Variants in PDPN observed in about 807,000 individuals in gnomAD.
PDPN encodes PA2.26 antigen.
Under a neutral mutation model 23.2 loss-of-function variants are expected in PDPN, and 12 were observed. The observed-to-expected ratio is 0.52, with a 90% CI of 0.33 to 0.84. The LOEUF is 0.84. Among genes scored for constraint, PDPN ranks in the 40% least tolerant of loss-of-function variants. The probability of loss-of-function intolerance (pLI) is 0.02; values close to 1 mark genes in which losing one functional copy is unlikely to be tolerated. For missense variants in PDPN, 199 were observed against 212.2 expected (o/e 0.94, Z 0.39); for synonymous variants, 77 against 76.7 (o/e 1.00, Z -0.02).
rs1640119884 is a variant in PDPN, at chr1:13,584,363, C to T, written c.67+263C>T. ...CGAGGTGGGCAGCACAGGGGGCCTC[C>T]CTCCGAGTCGGCAGCACCAGAGAGA... On this transcript the variant is annotated intron_variant, in intron 1 of 5. Transcript: ENST00000621990. The T allele has an allele frequency of 2.8e-6, 4 of 1,428,594 alleles. No homozygotes were observed. In the South Asian group the frequency reaches 5.8e-5, roughly 21 times the overall value. 88.5% of individuals were successfully genotyped at this position (1,428,594 alleles called of 1,614,324 possible). A position where few individuals can be genotyped will look rare whatever the true frequency, so the allele number is the denominator to read the frequency against.
intron 1 of PDPN, among the ~76,000 whole-genome samples, chr1:13,599,011 C>CTTTTTTTTTTTTTTTATTTTTTTT (rs1640568988): frequency 7.9e-6 from 1 of 127,076 alleles, no homozygotes; most frequent in Non-Finnish European, 1.7e-5. Flanking sequence ...GCCCCCCCTC[C>CTTTTTTTTTTTTTTTATTTTTTTT]TTTTTTTTTT....
At chr1:13,584,299 C>G in intron 1 of PDPN, 199 bp downstream of exon 1, 1 of 1,518,066 alleles carries the variant, frequency 6.6e-7, no homozygotes, top group Non-Finnish European at 8.8e-7. Context: ...GACGCAGCTG[C>G]GCGGGTGTGC....
intron 2 of PDPN, 97 bp downstream of exon 2, chr1:13,607,403 ATC>A: frequency 1.2e-6 from 1 of 864,032 alleles, no homozygotes; most frequent in East Asian, 3.2e-5. Flanking sequence ...AAATATATCT[ATC>A]TATAAAATCA....
At chr1:13,604,394 GC>G (rs543717962) in intron 1 of PDPN, among the ~76,000 whole-genome samples, 125 of 152,210 alleles carry the variant, frequency 8.2e-4, no homozygotes, top group African/African-American at 2.8e-3. Flanking sequence ...TTCCCATGGA[GC>G]AAAAAGAATG....
chr1:13,595,772 G>A, intron 1 of PDPN: 1 of 849,664 alleles, frequency 1.2e-6, no homozygotes. Context: ...GGGCAGCCAA[G>A]TTCCCCTTTG....
At chr1:13,594,781 TCGAGACCACC>T (rs1481991179) in intron 1 of PDPN, among the ~76,000 whole-genome samples, 1 of 150,364 alleles carries the variant, frequency 6.7e-6, no homozygotes, top group Non-Finnish European at 1.5e-5. Context: ...GGTCAGGAGA[TCGAGACCACC>T]CTGGCTAACA....
intron 1 of PDPN, among the ~76,000 whole-genome samples, chr1:13,601,315 C>T (rs1267203523): frequency 2.0e-5 from 3 of 152,194 alleles, no homozygotes; most frequent in Admixed American, 6.5e-5. Context: ...GTCCAGGCCA[C>T]TTAAGCTGGG....
At chr1:13,603,699 C>T (rs1640708509) in intron 1 of PDPN, among the ~76,000 whole-genome samples, 1 of 151,760 alleles carries the variant, frequency 6.6e-6, no homozygotes, top group South Asian at 2.1e-4. Context: ...AGTGATTCTC[C>T]TGCCTCAGCC....
At chr1:13,600,618 G>A (rs947053327) in intron 1 of PDPN, among the ~76,000 whole-genome samples, 3 of 152,178 alleles carry the variant, frequency 2.0e-5, no homozygotes, top group Admixed American at 2.0e-4. Context: ...ACCTGCCTTG[G>A]CCTCCCAAAG....
intron 1 of PDPN, among the ~76,000 whole-genome samples, chr1:13,606,297 C>T (rs1231256975): frequency 2.6e-5 from 4 of 152,166 alleles, no homozygotes; most frequent in Non-Finnish European, 4.4e-5. Context: ...AACCACTGCA[C>T]CCAGCTAGTT....
intron 2 of PDPN, among the ~76,000 whole-genome samples, chr1:13,609,896 C>T (rs1640889696): frequency 6.6e-6 from 1 of 152,070 alleles, no homozygotes; most frequent in South Asian, 2.1e-4. Flanking sequence ...GAAACCCCAT[C>T]TCTACTAAAT....
intron 1 of PDPN, chr1:13,585,427 A>G: frequency 8.4e-7 from 1 of 1,192,026 alleles, no homozygotes; most frequent in South Asian, 1.4e-5. Context: ...TTTCCACTGG[A>G]ATATATACAG....
intron 2 of PDPN, among the ~76,000 whole-genome samples, chr1:13,609,380 C>T (rs987391206): frequency 3.3e-5 from 5 of 152,134 alleles, no homozygotes; most frequent in African/African-American, 4.8e-5. Context: ...ATTATAGTCC[C>T]AGGGCTTGGA....
intron 1 of PDPN, among the ~76,000 whole-genome samples, chr1:13,588,823 T>C (rs1032390587): frequency 1.3e-4 from 19 of 151,626 alleles, no homozygotes; most frequent in African/African-American, 4.6e-4. Flanking sequence ...GGACCACAGG[T>C]GTGCACCACC....
rs758350731 is a variant in PDPN, at chr1:13,599,466, A to C, written c.68-7707A>C. On this transcript the variant is annotated intron_variant, in intron 1 of 5. Transcript: ENST00000621990. ...AGTGGCGCAATCTCAGCTCACTGCA[A>C]CCTCCACCTCCTGGGTTCAAGTGAT... Among the ~76,000 whole-genome samples the C allele has an allele frequency of 3.7e-5, 5 of 136,164 alleles. No individual in the cohort carries two copies. In the Admixed American group the frequency reaches 4.0e-4, roughly 11 times the overall value. The allele number at this position is 136,164 out of a possible 152,430, so 89.3% of individuals were successfully genotyped here.
intron 3 of PDPN, among the ~76,000 whole-genome samples, chr1:13,611,241 AAAAC>A (rs145238874): frequency 0.37 from 55,442 of 150,284 alleles, 10,418 homozygotes; most frequent in South Asian, 0.51. Context: ...ACAAAACAAA[AAAAC>A]AAACAAACAA....
intron 5 of PDPN, 110 bp downstream of exon 5, chr1:13,614,521 GT>G: frequency 1.4e-6 from 1 of 694,144 alleles, no homozygotes; most frequent in Non-Finnish European, 2.6e-6. Flanking sequence ...GTGGTGGCTC[GT>G]GCCTGTAGTC....
chr1:13,586,118 A>G (rs1199529152), intron 1 of PDPN, among the ~76,000 whole-genome samples: 1 of 152,094 alleles, frequency 6.6e-6, no homozygotes, highest in African/African-American at 2.4e-5. Flanking sequence ...TTTGGGGGCC[A>G]CTTCATTAGA....
chr1:13,585,013 T>C (rs1244111343), intron 1 of PDPN, among the ~76,000 whole-genome samples: 1 of 152,206 alleles, frequency 6.6e-6, no homozygotes, highest in African/African-American at 2.4e-5. Context: ...ATAGAACATA[T>C]GTTCTGCAGG....
Sources: gnomAD v4.1 joint callset for allele counts (sites outside exome capture counted in the v4.1 genomes callset) on GRCh38, gnomAD v4.1.1 for gene constraint, MANE v1.5 for transcripts, NCBI Gene and HGNC (gene_info 2026-07-23, HGNC 2026-07-21) for gene names.